Variants in PKHD1 observed in about 807,000 individuals in gnomAD.
The protein encoded by PKHD1 is PKHD1 ciliary IPT domain containing fibrocystin/polyductin.
Under a neutral mutation model 412.0 loss-of-function variants are expected in PKHD1, and 291 were observed. The observed-to-expected ratio is 0.71, with a 90% CI of 0.64 to 0.78. PKHD1 has a LOEUF of 0.78. Among genes scored for constraint, PKHD1 ranks in the 30% least tolerant of loss-of-function variants. The pLI, the probability that PKHD1 is intolerant of heterozygous loss-of-function variation, is 0.00. For missense variants in PKHD1, 4,825 were observed against 4,950.7 expected, an observed-to-expected ratio of 0.97 and a Z score of 0.76; for synonymous variants, 1,777 against 1,821.5, an observed-to-expected ratio of 0.98 and a Z score of 0.62.
chr6:51,858,036 T>G (rs1227298579), intron 48 of PKHD1, among the ~76,000 whole-genome samples: 1 of 150,290 alleles, frequency 6.7e-6, no homozygotes, highest in Non-Finnish European at 1.5e-5. Flanking sequence ...ACCCACCCCT[T>G]CAGGATTTAA....
chr6:51,754,858 G>A lies in PKHD1; in HGVS notation c.8723C>T (p.Ala2908Val). 3 of 1,612,544 alleles carry A rather than the reference G, an allele frequency of 1.9e-6. No individual in the cohort carries two copies. The highest frequency in any genetic ancestry group is 2.5e-6 in the Non-Finnish European group (3 of 1,178,608). Residue 2908 changes from alanine to valine, a missense_variant, in exon 56 of 67, where the codon GCA becomes GTA. Transcript: ENST00000371117. Reference sequence around the variant, plus strand: ...GACTTCTTTCACAGTGAGGACCTCTGCTTCATGAGGCTCATAAGAAGAGGA... The same window carrying A: ...GACTTCTTTCACAGTGAGGACCTCTACTTCATGAGGCTCATAAGAAGAGGA... ...LSSSSYEPHE[A>V]EVLTVKEVKG...
intron 52 of PKHD1, among the ~76,000 whole-genome samples, chr6:51,812,791 A>C (rs1764895711): frequency 6.6e-6 from 1 of 152,174 alleles, no homozygotes; most frequent in South Asian, 2.1e-4. Context: ...CAAATGTCTG[A>C]ATAGGAAATG....
At chr6:52,028,105 G>A in intron 30 of PKHD1, 51 bp downstream of exon 30, 2 of 1,530,454 alleles carry the variant, frequency 1.3e-6, no homozygotes, top group South Asian at 1.1e-5. Flanking sequence ...TTACCTAGCT[G>A]AATGCTAGAC....
Position 52,058,443 on chromosome 6 carries a change from G to T in PKHD1, c.1392C>A (p.Ser464Arg). ...LEAEHHGIAP[S>R]RGMRIGVQIH... ...TCTGGACACCAATCCTCATCCCCCT[G>T]CTTGGGGCTATCCCATGATGCTCTG... Residue 464 changes from serine to arginine, a missense_variant, in exon 16 of 67, where the codon AGC becomes AGA. Coordinates refer to ENST00000371117, the MANE Select transcript of PKHD1 (RefSeq NM_138694.4). 4 of 1,614,146 alleles carry T rather than the reference G, an allele frequency of 2.5e-6. No homozygotes were observed. The highest frequency in any genetic ancestry group is 3.4e-6 in the Non-Finnish European group (4 of 1,180,012).
At chr6:51,906,463 A>C (rs780865124) in intron 40 of PKHD1, 123 bp from the exon 41 acceptor site, 6 of 774,772 alleles carry the variant, frequency 7.7e-6, no homozygotes, top group Non-Finnish European at 1.3e-5. Flanking sequence ...TCAGGAGATA[A>C]GAAGTTAGAA....
At chr6:51,781,893 G>A (rs9463715) in intron 53 of PKHD1, among the ~76,000 whole-genome samples, 2,841 of 151,616 alleles carry the variant, frequency 0.019, 45 homozygotes, top group Non-Finnish European at 0.029. Context: ...TATTTCAATG[G>A]CCAGCCCAAG....
At position 51,748,170 on chromosome 6, in the gene PKHD1, G is replaced by T; in HGVS notation, c.9446C>A (p.Ala3149Asp). The change falls in exon 58 of 67, where the codon GCT (alanine) becomes GAT (aspartate). Residue 3149 changes from alanine to aspartate, a missense_variant. Ala to Asp is a moderately radical substitution (Grantham distance 126). Transcript: ENST00000371117. ...DNCTRISGFL[A>D]FKNFDYGAML... The stretch of plus-strand genomic sequence containing the variant: ...GGCACCATAGTCAAAGTTCTTGAAA[G>T]CCAAGAAGCCAGAGATTCTGGTACA... 1 of 1,614,086 alleles carries T rather than the reference G, an allele frequency of 6.2e-7. No homozygotes were observed. The highest frequency in any genetic ancestry group is 1.1e-5 in the South Asian group (1 of 91,084).
chr6:51,711,097 A>C (rs907063607), intron 60 of PKHD1, among the ~76,000 whole-genome samples: 8 of 152,198 alleles, frequency 5.3e-5, no homozygotes, highest in Non-Finnish European at 1.0e-4. Context: ...TGAACCACTT[A>C]GCATTCATAC....
At chr6:51,985,997 G>A (rs181950661) in intron 35 of PKHD1, among the ~76,000 whole-genome samples, 8 of 152,042 alleles carry the variant, frequency 5.3e-5, no homozygotes, top group Admixed American at 2.0e-4. Context: ...AAATGGTACC[G>A]GTCATATTAA....
At chr6:52,037,372 T>C (rs563054073) in intron 27 of PKHD1, among the ~76,000 whole-genome samples, 4 of 152,064 alleles carry the variant, frequency 2.6e-5, no homozygotes, top group African/African-American at 9.7e-5. Flanking sequence ...AAGGAAGATA[T>C]ATTTTATTAT....
intron 52 of PKHD1, among the ~76,000 whole-genome samples, chr6:51,815,666 C>A (rs943392542): frequency 6.6e-6 from 1 of 152,140 alleles, no homozygotes; most frequent in Non-Finnish European, 1.5e-5. Flanking sequence ...CAAACAAATA[C>A]GTTTGAAATC....
chr6:51,955,566 C>T (rs1030865172), intron 36 of PKHD1, among the ~76,000 whole-genome samples: 11 of 151,972 alleles, frequency 7.2e-5, no homozygotes, highest in Non-Finnish European at 2.9e-5. Context: ...TCCTGTTGTA[C>T]GAGCCCAGTT....
chr6:51,961,571 A>G (rs558592366), intron 35 of PKHD1, among the ~76,000 whole-genome samples: 58 of 152,264 alleles, frequency 3.8e-4, no homozygotes, highest in African/African-American at 1.3e-3. Flanking sequence ...TTAGGTTGGT[A>G]AAATAATAAA....
intron 50 of PKHD1, among the ~76,000 whole-genome samples, chr6:51,843,665 G>A (rs900107809): frequency 2.6e-5 from 4 of 152,184 alleles, no homozygotes; most frequent in African/African-American, 9.7e-5. Context: ...CGGCATAGAA[G>A]CTACAGTTGG....
chr6:51,651,705 C>T (rs1771008266), intron 61 of PKHD1, among the ~76,000 whole-genome samples: 1 of 152,026 alleles, frequency 6.6e-6, no homozygotes, highest in South Asian at 2.1e-4. Flanking sequence ...CTCCCCCTTC[C>T]CTGAAATGAA....
intron 40 of PKHD1, among the ~76,000 whole-genome samples, chr6:51,909,005 G>A (rs1053031468): frequency 5.3e-5 from 8 of 152,140 alleles, no homozygotes; most frequent in African/African-American, 1.7e-4. Flanking sequence ...TGGACTGCCT[G>A]TTCCAGAATC....
intron 48 of PKHD1, among the ~76,000 whole-genome samples, chr6:51,866,140 A>T (rs1050895229): frequency 6.6e-6 from 1 of 152,138 alleles, no homozygotes; most frequent in Non-Finnish European, 1.5e-5. Context: ...TGAGCACATC[A>T]GGGCCAAGAG....
At position 52,056,736 on chromosome 6, in the gene PKHD1, AG is replaced by A; in HGVS notation, c.1654del (p.Leu552PhefsTer56). The A allele has an allele frequency of 1.9e-6, 3 of 1,613,958 alleles. No homozygotes were observed. The highest frequency in any genetic ancestry group is 2.5e-6 in the Non-Finnish European group (3 of 1,179,854). ...AAGCCGGAGAAGGATGTTAGACCAAAGGGGTTCCAGTTTGCATTTTACTGCA... is the reference window on the plus strand; with the variant it reads ...AAGCCGGAGAAGGATGTTAGACCAAAGGGTTCCAGTTTGCATTTTACTGCA... ...LLAVKCKLEP[L>X]WSNILLRLGF... On this transcript the variant is annotated frameshift_variant, in exon 18 of 67. Transcript: ENST00000371117. LOFTEE classifies it high-confidence loss of function.
chr6:51,923,960 T>C (rs1184062189), intron 37 of PKHD1, among the ~76,000 whole-genome samples: 2 of 152,190 alleles, frequency 1.3e-5, no homozygotes, highest in African/African-American at 4.8e-5. Context: ...CCCAGTTTCA[T>C]CATCTCTAAA....
Sources: gnomAD v4.1 joint callset for allele counts (sites outside exome capture counted in the v4.1 genomes callset) on GRCh38, gnomAD v4.1.1 for gene constraint, MANE v1.5 for transcripts, NCBI Gene and HGNC (gene_info 2026-07-23, HGNC 2026-07-21) for gene names.